TDRD15: variants seen among roughly 807,000 people sequenced by gnomAD.
TDRD15 encodes the protein tudor domain containing 15, also known as tudor domain-containing protein 15.
For missense variants in TDRD15, 1,416 were observed against 904.7 expected (o/e 1.57, Z -7.25); for synonymous variants, 503 against 314.5 (o/e 1.60, Z -6.34).
intron 1 of TDRD15, among the ~76,000 whole-genome samples, chr2:21,126,028 GTCT>G (rs1665584584): frequency 6.6e-6 from 1 of 152,036 alleles, no homozygotes; most frequent in Non-Finnish European, 1.5e-5. Flanking sequence ...GTGTGTGTGT[GTCT>G]GTGTGTCTTA....
At position 21,141,137 on chromosome 2, in the gene TDRD15, A is replaced by C. The variant is rs1277432371; in HGVS notation, c.3670A>C (p.Lys1224Gln). Residue 1224 changes from lysine to glutamine, a missense_variant, in exon 4 of 4, where the codon AAA (lysine) becomes CAA (glutamine). Transcript: ENST00000405799. ...CYKMEPVSKN[K>Q]MKTSLNDGLK... ...TAAAATGGAACCTGTGTCAAAAAACAAAATGAAGACTTCTTTGAATGATGG... is the reference window on the plus strand; with the variant it reads ...TAAAATGGAACCTGTGTCAAAAAACCAAATGAAGACTTCTTTGAATGATGG... 1.4e-6 allele frequency: 1 copy of C among 712,296 alleles called. No individual in the cohort carries two copies. Among genetic ancestry groups the C allele is most frequent in the African/African-American group, 1.8e-5 (1 of 56,890 alleles). 44.1% of individuals were successfully genotyped at this position (712,296 alleles called of 1,614,324 possible). A position where few individuals can be genotyped will look rare whatever the true frequency, so the allele number is the denominator to read the frequency against.
intron 1 of TDRD15, 88 bp from the exon 2 acceptor site, chr2:21,127,513 G>A (rs1008647109): frequency 8.6e-5 from 13 of 151,976 alleles, no homozygotes; most frequent in African/African-American, 2.4e-4. Context: ...TCTTTTAAGC[G>A]TATGGCTATC....
At chr2:21,136,606 T>G (rs948994965) in intron 3 of TDRD15, among the ~76,000 whole-genome samples, 7 of 152,026 alleles carry the variant, frequency 4.6e-5, no homozygotes, top group Non-Finnish European at 1.0e-4. Flanking sequence ...CTGTCAACTG[T>G]TAACTCAGAG....
Position 21,141,344 on chromosome 2 carries a change from T to C in TDRD15, c.3877T>C (p.Leu1293=), listed in dbSNP as rs1287217866. The C allele has an allele frequency of 1.4e-6, 1 of 715,848 alleles. No homozygotes were observed. Among genetic ancestry groups the C allele is most frequent in the Non-Finnish European group, 2.6e-6 (1 of 383,878 alleles). The allele number at this position is 715,848 out of a possible 1,614,324, so 44.3% of individuals were successfully genotyped here. A position where few individuals can be genotyped will look rare whatever the true frequency, so the allele number is the denominator to read the frequency against. The change falls in exon 4 of 4, where the codon TTG becomes CTG. Residue 1293 remains leucine (L), a synonymous_variant. Transcript: ENST00000405799. ...AGACCTTCCTCAACCGCAAATTTAT[T>C]TGAATGCCAAAGTTAAAGGGTATGT... is the stretch of plus-strand genomic sequence containing the variant. The part of the protein sequence containing the change: ...IKDLPQPQIY[L]NAKVKGYVSN...
rs140081299 is a variant in TDRD15, at chr2:21,138,038, C to T, written c.571C>T (p.Arg191Cys). ...LGRLVDGDSF[R>C]LIVEMLEEFP... is the part of the protein sequence containing the mutation. ...AAGACTTGTTGATGGAGATTCATTT[C>T]GTCTTATTGTGGAAATGTTAGAAGA... The change falls in exon 4 of 4, where the codon CGT (arginine) becomes TGT (cysteine). Residue 191 changes from arginine to cysteine, a missense_variant. Transcript: ENST00000405799. 2.3e-3 allele frequency: 1,659 copies of T among 715,976 alleles called. 7 individuals are homozygous for T. Among genetic ancestry groups the T allele is most frequent in the Non-Finnish European group, 3.6e-3 (1,365 of 384,350 alleles). The allele number at this position is 715,976 out of a possible 1,614,324, so 44.4% of individuals were successfully genotyped here.
In TDRD15 at chr2:21,140,567, A is replaced by G; in HGVS notation, c.3100A>G (p.Ile1034Val). ...EDGLSYRALAIPTDSSSEFQV... is the reference protein window; with the variant it reads ...EDGLSYRALAVPTDSSSEFQV... ...TGGTCTCTCATACAGAGCTTTAGCA[A>G]TACCAACAGATTCATCATCTGAGTT... is the stretch of plus-strand genomic sequence containing the variant. Residue 1034 changes from isoleucine to valine, a missense_variant, in exon 4 of 4, where the codon ATA becomes GTA. By Grantham distance (29) the Ile-to-Val change is conservative (BLOSUM62 3). Transcript: ENST00000405799. The G allele has an allele frequency of 2.8e-6, 2 of 711,780 alleles. No individual in the cohort carries two copies. Among genetic ancestry groups the G allele is most frequent in the Non-Finnish European group, 5.2e-6 (2 of 382,322 alleles). The allele number at this position is 711,780 out of a possible 1,614,324, so 44.1% of individuals were successfully genotyped here. A position where few individuals can be genotyped will look rare whatever the true frequency, so the allele number is the denominator to read the frequency against.
chr2:21,141,442 T>G lies in TDRD15; in HGVS notation c.3975T>G (p.Ala1325=), dbSNP rs1665930185. The G allele has an allele frequency of 1.4e-6, 1 of 713,176 alleles. No homozygotes were observed. Among genetic ancestry groups the G allele is most frequent in the Non-Finnish European group, 2.6e-6 (1 of 383,134 alleles). The allele number at this position is 713,176 out of a possible 1,614,324, so 44.2% of individuals were successfully genotyped here. A position where few individuals can be genotyped will look rare whatever the true frequency, so the allele number is the denominator to read the frequency against. The stretch of plus-strand genomic sequence containing the variant: ...ATGAAAGTGTAATTATCAGACTTGC[T>G]GATGCTCTAAATGCAACAGCAAGGA... ...AENESVIIRL[A]DALNATARRL... Residue 1325 remains alanine (A), a synonymous_variant, in exon 4 of 4, where the codon GCT becomes GCG. Transcript: ENST00000405799.
Position 21,139,761 on chromosome 2 carries a change from A to G in TDRD15, c.2294A>G (p.Tyr765Cys), listed in dbSNP as rs1188351804. ...GTTCTTGAAGTTAAATGTTCCTGTT[A>G]TTATGGCCCAGGTGACTTTTCATGC... ...GTVLEVKCSC[Y>C]YGPGDFSCQL... Residue 765 changes from tyrosine (Y) to cysteine (C), a missense_variant, in exon 4 of 4, where the codon TAT becomes TGT. Transcript: ENST00000405799. The G allele has an allele frequency of 1.4e-6, 1 of 715,486 alleles. No homozygotes were observed. Among genetic ancestry groups the G allele is most frequent in the Non-Finnish European group, 2.6e-6 (1 of 384,012 alleles). The allele number at this position is 715,486 out of a possible 1,614,324, so 44.3% of individuals were successfully genotyped here.
rs1665832221 is a variant in TDRD15 at position 21,137,605 on chromosome 2, G to A, written c.138G>A (p.Leu46=). ...AATGTGAGTTTGACTACCATGTATT[G>A]CAGAGAGAAATACAACATACTCCAA... ...SNECEFDYHV[L]QREIQHTPKV... Residue 46 remains leucine (L), a synonymous_variant, in exon 4 of 4, where the codon TTG becomes TTA. Transcript: ENST00000405799. 1.4e-6 allele frequency: 1 copy of A among 715,360 alleles called. No individual in the cohort carries two copies. The allele number at this position is 715,360 out of a possible 1,614,324, so 44.3% of individuals were successfully genotyped here.
chr2:21,124,519 GGT>G (rs975020963), intron 1 of TDRD15, among the ~76,000 whole-genome samples: 1 of 114,252 alleles, frequency 8.8e-6, no homozygotes, highest in African/African-American at 3.4e-5. Flanking sequence ...CTAATGCCAG[GGT>G]GTGTGTGTGT....
intron 1 of TDRD15, among the ~76,000 whole-genome samples, chr2:21,126,297 C>T (rs767217584): frequency 5.9e-5 from 9 of 151,916 alleles, no homozygotes; most frequent in Non-Finnish European, 1.0e-4. Context: ...AATGTGTATT[C>T]TGCCTCTTTG....
intron 3 of TDRD15, 104 bp from the exon 4 acceptor site, chr2:21,137,361 A>G: frequency 2.1e-6 from 1 of 484,218 alleles, no homozygotes. Flanking sequence ...AATTTGATAA[A>G]ATACAGGCAT....
chr2:21,140,123 G>T lies in TDRD15; in HGVS notation c.2656G>T (p.Asp886Tyr), dbSNP rs1665891280. The T allele has an allele frequency of 2.8e-6, 2 of 716,012 alleles. No homozygotes were observed. Among genetic ancestry groups the T allele is most frequent in the Non-Finnish European group, 5.2e-6 (2 of 384,014 alleles). The allele number at this position is 716,012 out of a possible 1,614,324, so 44.4% of individuals were successfully genotyped here. ...LFSWTRKAFRDLWNFISSSRG... is the reference protein window; with the variant it reads ...LFSWTRKAFRYLWNFISSSRG... ...CAGTTGGACAAGAAAAGCATTCAGAGACTTGTGGAATTTTATCTCTTCATC... is the reference window on the plus strand; with the variant it reads ...CAGTTGGACAAGAAAAGCATTCAGATACTTGTGGAATTTTATCTCTTCATC... The change falls in exon 4 of 4, where the codon GAC becomes TAC. Residue 886 changes from aspartate to tyrosine, a missense_variant. Physicochemically the swap from Asp to Tyr is radical, Grantham distance 160. Coordinates refer to ENST00000405799, the MANE Select transcript of TDRD15 (RefSeq NM_001306137.2).
Position 21,138,455 on chromosome 2 carries a change from G to A in TDRD15, c.988G>A (p.Glu330Lys), listed in dbSNP as rs1163218911. 1 of 714,388 alleles carries A rather than the reference G, an allele frequency of 1.4e-6. No individual in the cohort carries two copies. Among genetic ancestry groups the A allele is most frequent in the Non-Finnish European group, 2.6e-6 (1 of 383,850 alleles). The allele number at this position is 714,388 out of a possible 1,614,324, so 44.3% of individuals were successfully genotyped here. A position where few individuals can be genotyped will look rare whatever the true frequency, so the allele number is the denominator to read the frequency against. ...TTGGTTTATGGATTATGGCAGTAGC[G>A]AGGCTATACCCTCAATTTATGTAAA... ...KIWFMDYGSSEAIPSIYVKKL... is the reference protein window; with the variant it reads ...KIWFMDYGSSKAIPSIYVKKL... Residue 330 changes from glutamate to lysine, a missense_variant, in exon 4 of 4, where the codon GAG becomes AAG. Coordinates refer to ENST00000405799, the MANE Select transcript of TDRD15 (RefSeq NM_001306137.2).
chr2:21,141,363 G>A lies in TDRD15; in HGVS notation c.3896G>A (p.Gly1299Glu), dbSNP rs747229556. Residue 1299 changes from glycine to glutamate, a missense_variant, in exon 4 of 4, where the codon GGG becomes GAG. Gly to Glu is a moderately conservative substitution (Grantham distance 98). Coordinates refer to ENST00000405799, the MANE Select transcript of TDRD15 (RefSeq NM_001306137.2). The stretch of plus-strand genomic sequence containing the variant: ...ATTTATTTGAATGCCAAAGTTAAAG[G>A]GTATGTATCTAATATCAGTAATCCA... ...PQIYLNAKVK[G>E]YVSNISNPAN... is the part of the protein sequence containing the mutation. The A allele has an allele frequency of 1.4e-6, 1 of 715,494 alleles. No homozygotes were observed. The highest frequency in any genetic ancestry group is 1.5e-5 in the South Asian group (1 of 67,452). 44.3% of individuals were successfully genotyped at this position (715,494 alleles called of 1,614,324 possible).
At chr2:21,147,288 G>GGATTTATGAGTAAGAGAC (rs933589742), downstream of TDRD15, among the ~76,000 whole-genome samples, 15 of 151,522 alleles carry the variant, frequency 9.9e-5, no homozygotes, top group African/African-American at 3.4e-4. Context: ...TCTGAAGATA[G>GGATTTATGAGTAAGAGAC]GATTTATGAG....
intron 1 of TDRD15, among the ~76,000 whole-genome samples, chr2:21,126,335 A>G (rs1665595273): frequency 1.3e-5 from 2 of 151,206 alleles, no homozygotes; most frequent in African/African-American, 2.4e-5. Context: ...TTTGAGAATC[A>G]TCCATGTTTT....
In TDRD15 at chr2:21,141,987, G is replaced by T. The variant is rs1473944372; in HGVS notation, c.4520G>T (p.Gly1507Val). 1.4e-6 allele frequency: 1 copy of T among 700,056 alleles called. No individual in the cohort carries two copies. Among genetic ancestry groups the T allele is most frequent in the Non-Finnish European group, 2.6e-6 (1 of 379,864 alleles). 43.4% of individuals were successfully genotyped at this position (700,056 alleles called of 1,614,324 possible). A position where few individuals can be genotyped will look rare whatever the true frequency, so the allele number is the denominator to read the frequency against. The change falls in exon 4 of 4, where the codon GGT becomes GTT. Residue 1507 changes from glycine to valine, a missense_variant. By Grantham distance (109) the Gly-to-Val change is moderately radical. Coordinates refer to ENST00000405799, the MANE Select transcript of TDRD15 (RefSeq NM_001306137.2). ...MKKGKSNESEGSMNSNQQLFK... is the reference protein window; with the variant it reads ...MKKGKSNESEVSMNSNQQLFK... ...AAAGGAAAATCAAATGAGTCTGAAGGTTCTATGAATTCAAACCAACAGCTG... is the reference window on the plus strand; with the variant it reads ...AAAGGAAAATCAAATGAGTCTGAAGTTTCTATGAATTCAAACCAACAGCTG...
rs1312143468 is a variant in TDRD15 at position 21,143,257 on chromosome 2, T to C, written c.5790T>C (p.Ala1930=). The change falls in exon 4 of 4, where the codon GCT becomes GCC. Residue 1930 remains alanine, a synonymous_variant. Coordinates refer to ENST00000405799, the MANE Select transcript of TDRD15 (RefSeq NM_001306137.2). ...ATGCAATTACTGCTACTGAATCTGCTAAAAATCCAATATAAATTACAAAGT... is the reference window on the plus strand; with the variant it reads ...ATGCAATTACTGCTACTGAATCTGCCAAAAATCCAATATAAATTACAAAGT... ...HLDAITATES[A]KNPI The C allele has an allele frequency of 1.7e-6, 1 of 592,890 alleles. No individual in the cohort carries two copies. Among genetic ancestry groups the C allele is most frequent in the South Asian group, 2.2e-5 (1 of 44,742 alleles). 36.7% of individuals were successfully genotyped at this position (592,890 alleles called of 1,614,324 possible).
Sources: allele counts gnomAD v4.1 joint callset (sites outside exome capture counted in the v4.1 genomes callset), GRCh38; gene constraint gnomAD v4.1.1; transcripts MANE v1.5; gene names NCBI Gene and HGNC (gene_info 2026-07-23, HGNC 2026-07-21).